The following ANK3 variants were observed in gnomAD, a reference collection of about 807,000 sequenced individuals.
ANK3 encodes the protein ankyrin-3.
In ANK3, 57 loss-of-function variants were observed where a neutral mutation model predicts 370.9. The ratio of observed to expected loss-of-function variants is 0.15; its 90% CI spans 0.12 to 0.19. The LOEUF is 0.19. Ranked by LOEUF, ANK3 falls within the 10% of genes least tolerant of loss-of-function variation. The pLI is 1.00. For missense variants in ANK3, 4,439 were observed against 5,302.1 expected, an observed-to-expected ratio of 0.84 and a Z score of 5.06; for synonymous variants, 1,929 against 1,946.3, an observed-to-expected ratio of 0.99 and a Z score of 0.23.
chr10:60,352,590 C>G (rs1286143481), intron 1 of ANK3, among the ~76,000 whole-genome samples: 1 of 152,090 alleles, frequency 6.6e-6, no homozygotes, highest in African/African-American at 2.4e-5. Context: ...TATCATGGCC[C>G]CTGAGAGCAC....
chr10:60,097,773 T>C (rs945695293), intron 28 of ANK3, among the ~76,000 whole-genome samples: 1 of 152,164 alleles, frequency 6.6e-6, no homozygotes, highest in African/African-American at 2.4e-5. Flanking sequence ...TCAATTTAGA[T>C]TTCAAAGGCT....
At chr10:60,430,641 C>G (rs1433006998) in intron 2 of ANK3, among the ~76,000 whole-genome samples, 6 of 152,128 alleles carry the variant, frequency 3.9e-5, no homozygotes. Context: ...ACACGTATTA[C>G]TGCTGTTTTT....
chr10:60,210,064 C>T (rs1434196236), intron 9 of ANK3, among the ~76,000 whole-genome samples: 1 of 152,084 alleles, frequency 6.6e-6, no homozygotes, highest in Admixed American at 6.6e-5. Flanking sequence ...AAGAACGGGT[C>T]AGATGGCCTT....
chr10:60,691,980 A>G (rs998671028), intron 1 of ANK3, among the ~76,000 whole-genome samples: 4 of 151,834 alleles, frequency 2.6e-5, no homozygotes, highest in African/African-American at 9.7e-5. Context: ...AAGAATAGAT[A>G]GCCTTAGCTG....
intron 25 of ANK3, among the ~76,000 whole-genome samples, chr10:60,128,406 G>T (rs2093886446): frequency 6.7e-6 from 1 of 149,764 alleles, no homozygotes; most frequent in Non-Finnish European, 1.5e-5. Context: ...TTGAGATAGG[G>T]TCTCACTATC....
intron 2 of ANK3, among the ~76,000 whole-genome samples, chr10:60,568,337 C>A (rs2077511200): frequency 6.6e-6 from 1 of 152,176 alleles, no homozygotes; most frequent in Non-Finnish European, 1.5e-5. Context: ...AGAACTTCCA[C>A]AAGCAAAAAG....
intron 39 of ANK3, 32 bp from the exon 40 acceptor site, chr10:60,063,286 A>G (rs2080969740): frequency 1.3e-6 from 2 of 1,587,812 alleles, no homozygotes; most frequent in Non-Finnish European, 1.7e-6. Flanking sequence ...TGAAAACCCA[A>G]TTAAATTATG....
chr10:60,276,435 C>A (rs2098090595), intron 4 of ANK3, among the ~76,000 whole-genome samples: 1 of 152,196 alleles, frequency 6.6e-6, no homozygotes, highest in Non-Finnish European at 1.5e-5. Flanking sequence ...CATTCCTCTG[C>A]AGGGTCATCT....
intron 2 of ANK3, among the ~76,000 whole-genome samples, chr10:60,588,248 G>A (rs1433299399): frequency 1.3e-5 from 2 of 150,590 alleles, no homozygotes; most frequent in Non-Finnish European, 3.0e-5. Context: ...GCAGTGGCGC[G>A]ATCTCAGCTC....
At chr10:60,559,154 C>T (rs1006486204) in intron 2 of ANK3, among the ~76,000 whole-genome samples, 10 of 152,070 alleles carry the variant, frequency 6.6e-5, no homozygotes, top group East Asian at 1.9e-4. Context: ...TTTTGGGGAA[C>T]GGGTGGTGTT....
intron 1 of ANK3, chr10:60,615,305 A>C: frequency 1.1e-6 from 1 of 945,238 alleles, no homozygotes; most frequent in East Asian, 2.9e-5. Flanking sequence ...ACACATGCAC[A>C]TTATTAATTG....
intron 13 of ANK3, 89 bp from the exon 14 acceptor site, chr10:60,198,626 G>T: frequency 8.3e-7 from 1 of 1,202,596 alleles, no homozygotes; most frequent in Non-Finnish European, 1.2e-6. Context: ...GCTGCTTGAT[G>T]TAAGAGGTAC....
At chr10:60,690,133 G>C (rs1187836721) in intron 1 of ANK3, among the ~76,000 whole-genome samples, 3 of 152,146 alleles carry the variant, frequency 2.0e-5, no homozygotes, top group Non-Finnish European at 4.4e-5. Context: ...TGGCCGAATA[G>C]GAACAGCTCC....
rs556676028 is a variant in ANK3, at chr10:60,376,435, C to T, written c.114+12990G>A. On this transcript the variant is annotated intron_variant, in intron 1 of 43. Transcript: ENST00000280772. ...ATAAGAACATAATGTCTATCAGATG[C>T]CAAATGGATGGCTATATAATTATTT... 2.0e-4 allele frequency among the ~76,000 whole-genome samples: 30 copies of T among 151,610 alleles called. No homozygotes were observed. The South Asian group carries it at 6.3e-3, about 32-fold the overall frequency.
intron 2 of ANK3, among the ~76,000 whole-genome samples, chr10:60,506,088 ATTATT>A (rs1165906930): frequency 6.6e-6 from 1 of 152,090 alleles, no homozygotes; most frequent in Non-Finnish European, 1.5e-5. Context: ...GGACTGGGTG[ATTATT>A]TTATATTTTT....
intron 1 of ANK3, among the ~76,000 whole-genome samples, chr10:60,725,918 T>C (rs1366835785): frequency 6.6e-6 from 1 of 152,198 alleles, no homozygotes; most frequent in African/African-American, 2.4e-5. Context: ...TACTCATCTA[T>C]GCATTTATTT....
exon 1 of ANK3, chr10:60,733,348 C>T (rs2080055379): frequency 8.1e-7 from 1 of 1,232,740 alleles, no homozygotes; most frequent in South Asian, 4.1e-5. Context: ...CTGCTCCTTC[C>T]AGGAACTCCA....
At chr10:60,444,795 AGT>A (rs1327665744) in intron 2 of ANK3, among the ~76,000 whole-genome samples, 2 of 152,094 alleles carry the variant, frequency 1.3e-5, no homozygotes, top group African/African-American at 4.8e-5. Flanking sequence ...ACATGGTAAG[AGT>A]TGTGGGTATT....
intron 2 of ANK3, among the ~76,000 whole-genome samples, chr10:60,609,840 C>T (rs1336609270): frequency 6.6e-6 from 1 of 152,088 alleles, no homozygotes; most frequent in African/African-American, 2.4e-5. Context: ...TATTTACCCC[C>T]CTAACAAAAA....
Sources: gnomAD v4.1 joint callset for allele counts (sites outside exome capture counted in the v4.1 genomes callset) on GRCh38, gnomAD v4.1.1 for gene constraint, MANE v1.5 for transcripts, NCBI Gene and HGNC (gene_info 2026-07-23, HGNC 2026-07-21) for gene names.